The following MRPS31 variants were observed in gnomAD, a reference collection of about 807,000 sequenced individuals.
The protein encoded by MRPS31 is small ribosomal subunit protein mS31.
A neutral mutation model predicts 43.1 loss-of-function variants in MRPS31; 32 were observed. The ratio of observed to expected loss-of-function variants is 0.74; its 90% CI spans 0.56 to 1.00. The LOEUF (loss-of-function observed/expected upper bound fraction) is 1.00. MRPS31 is among the 50% of genes least tolerant of loss of function. MRPS31 has a pLI of 0.00. For missense variants in MRPS31, 437 were observed against 466.7 expected (o/e 0.94, Z 0.59); for synonymous variants, 165 against 161.6 (o/e 1.02, Z -0.16).
intron 6 of MRPS31, among the ~76,000 whole-genome samples, chr13:40,734,167 T>C (rs1173443730): frequency 6.6e-6 from 1 of 152,152 alleles, no homozygotes; most frequent in African/African-American, 2.4e-5. Context: ...ATTTCCAATC[T>C]TGATTTTTAT....
At chr13:40,736,323 A>G (rs1480521484) in intron 6 of MRPS31, among the ~76,000 whole-genome samples, 1 of 152,072 alleles carries the variant, frequency 6.6e-6, no homozygotes, top group Admixed American at 6.6e-5. Context: ...CCTGAAAGTG[A>G]TGGGGAGAAT....
chr13:40,762,917 C>T (rs1345869305), intron 2 of MRPS31, among the ~76,000 whole-genome samples: 1 of 151,538 alleles, frequency 6.6e-6, no homozygotes, highest in Non-Finnish European at 1.5e-5. Flanking sequence ...TGTTCAATGT[C>T]CAATCTCTAG....
At chr13:40,742,223 A>T (rs539833541) in intron 6 of MRPS31, among the ~76,000 whole-genome samples, 1 of 152,338 alleles carries the variant, frequency 6.6e-6, no homozygotes, top group East Asian at 1.9e-4. Flanking sequence ...AACATTAAAC[A>T]TAAGGAGGAA....
intron 3 of MRPS31, among the ~76,000 whole-genome samples, chr13:40,758,415 T>C (rs111542120): frequency 0.013 from 1,919 of 152,292 alleles, 52 homozygotes; most frequent in African/African-American, 0.043. Context: ...GAACAACTGA[T>C]TTAGATCACT....
intron 5 of MRPS31, among the ~76,000 whole-genome samples, chr13:40,752,000 C>T (rs1269153599): frequency 6.6e-6 from 1 of 151,808 alleles, no homozygotes; most frequent in South Asian, 2.1e-4. Flanking sequence ...GGCTGGACAA[C>T]AGCAGCTGCC....
chr13:40,765,780 T>C (rs557051806), intron 2 of MRPS31, among the ~76,000 whole-genome samples: 23 of 152,226 alleles, frequency 1.5e-4, no homozygotes, highest in Non-Finnish European at 3.1e-4. Context: ...TAAAGCCACA[T>C]AGCTTACTAC....
At chr13:40,745,190 G>A (rs1880209344) in intron 6 of MRPS31, among the ~76,000 whole-genome samples, 1 of 152,118 alleles carries the variant, frequency 6.6e-6, no homozygotes, top group Admixed American at 6.6e-5. Flanking sequence ...CTAAAGTGCT[G>A]GGATTATAGG....
intron 6 of MRPS31, among the ~76,000 whole-genome samples, chr13:40,732,059 C>A (rs531101091): frequency 6.6e-6 from 1 of 152,276 alleles, no homozygotes; most frequent in East Asian, 1.9e-4. Flanking sequence ...GAGCTATGTA[C>A]AAATTAAACC....
intron 5 of MRPS31, among the ~76,000 whole-genome samples, chr13:40,752,910 T>C (rs1880430558): frequency 6.6e-6 from 1 of 152,134 alleles, no homozygotes. Context: ...GGATAATTTT[T>C]TTCTATTTTT....
At chr13:40,758,863 T>C (rs764150755) in intron 3 of MRPS31, 85 bp downstream of exon 3, 1 of 1,212,554 alleles carries the variant, frequency 8.2e-7, no homozygotes, top group African/African-American at 1.5e-5. Flanking sequence ...ACGTGGTATA[T>C]ATTATGTGTA....
chr13:40,738,563 A>T (rs892606991), intron 6 of MRPS31, among the ~76,000 whole-genome samples: 3 of 152,118 alleles, frequency 2.0e-5, no homozygotes, highest in African/African-American at 4.8e-5. Flanking sequence ...AACCGAATCC[A>T]GCAGCACATC....
intron 2 of MRPS31, among the ~76,000 whole-genome samples, chr13:40,759,988 A>G (rs1404090499): frequency 6.6e-6 from 1 of 152,138 alleles, no homozygotes; most frequent in Non-Finnish European, 1.5e-5. Context: ...TATAAAAATT[A>G]GCCAGGCATG....
chr13:40,748,248 C>G (rs1183432694), intron 6 of MRPS31, among the ~76,000 whole-genome samples: 2 of 152,156 alleles, frequency 1.3e-5, no homozygotes, highest in East Asian at 3.9e-4. Flanking sequence ...ACTTCTGCCT[C>G]CCGGGTTCAA....
At chr13:40,748,916 GC>G (rs1305617687) in intron 6 of MRPS31, among the ~76,000 whole-genome samples, 6 of 152,132 alleles carry the variant, frequency 3.9e-5, no homozygotes, top group African/African-American at 1.2e-4. Context: ...ATGGATTTTT[GC>G]CATATAGTTT....
At chr13:40,745,715 C>G (rs1880224156) in intron 6 of MRPS31, among the ~76,000 whole-genome samples, 1 of 152,078 alleles carries the variant, frequency 6.6e-6, no homozygotes, top group South Asian at 2.1e-4. Flanking sequence ...TTTCTTCTTT[C>G]ACGGATCATG....
At chr13:40,733,244 T>C (rs1879761363) in intron 6 of MRPS31, among the ~76,000 whole-genome samples, 1 of 151,998 alleles carries the variant, frequency 6.6e-6, no homozygotes, top group African/African-American at 2.4e-5. Context: ...CCTCAGGTGA[T>C]CCGCCTGCTT....
intron 1 of MRPS31, among the ~76,000 whole-genome samples, chr13:40,769,408 ATATATATATATATT>A (rs1880944066): frequency 8.9e-6 from 1 of 111,878 alleles, no homozygotes; most frequent in South Asian, 3.1e-4. Context: ...ATATATATAT[ATATATATATATATT>A]ATCAAGTTCT....
intron 6 of MRPS31, among the ~76,000 whole-genome samples, chr13:40,748,742 A>G (rs1244642637): frequency 6.6e-6 from 1 of 152,236 alleles, no homozygotes; most frequent in Non-Finnish European, 1.5e-5. Context: ...ACTAAAGGAC[A>G]CCAGCGTGAG....
At chr13:40,745,821 T>G (rs1231587269) in intron 6 of MRPS31, among the ~76,000 whole-genome samples, 2 of 151,854 alleles carry the variant, frequency 1.3e-5, no homozygotes. Context: ...TAGGCATAAA[T>G]GTGATTAAAT....
Sources: allele counts gnomAD v4.1 joint callset (sites outside exome capture counted in the v4.1 genomes callset), GRCh38; gene constraint gnomAD v4.1.1; transcripts MANE v1.5; gene names NCBI Gene and HGNC (gene_info 2026-07-23, HGNC 2026-07-21).